Variants in GLIS3 observed in about 807,000 individuals in gnomAD.
GLIS3 encodes zinc finger protein GLIS3.
GLIS3 carries 53 observed loss-of-function variants against 78.6 expected under a neutral mutation model. The observed-to-expected ratio is 0.67, with a 90% CI of 0.54 to 0.85. The LOEUF (loss-of-function observed/expected upper bound fraction) is 0.85, where lower values mean the gene tolerates loss of function less well. Ranked by LOEUF, GLIS3 falls within the 40% of genes least tolerant of loss-of-function variation. The pLI is 0.00. For missense variants in GLIS3, 1,703 were observed against 1,231.1 expected, an observed-to-expected ratio of 1.38 and a Z score of -5.74; for synonymous variants, 684 against 509.9, an observed-to-expected ratio of 1.34 and a Z score of -4.60.
At chr9:4,207,187 C>A (rs35172612) in intron 2 of GLIS3, among the ~76,000 whole-genome samples, 18,776 of 152,166 alleles carry the variant, frequency 0.12, 1,262 homozygotes, top group Middle Eastern at 0.19. Context: ...TCCAACCCCA[C>A]CTCCCCTCCC....
In GLIS3 at chr9:4,299,530, C is replaced by T. The variant is rs1416390793; in HGVS notation, c.-208G>A. 1.3e-5 allele frequency: 2 copies of T among 152,614 alleles called. No individual in the cohort carries two copies. Among genetic ancestry groups the T allele is most frequent in the African/African-American group, 4.8e-5 (2 of 41,464 alleles). 9.5% of individuals were successfully genotyped at this position (152,614 alleles called of 1,614,324 possible). A position where few individuals can be genotyped will look rare whatever the true frequency, so the allele number is the denominator to read the frequency against. ...CGCTGGCGAGGAGTAACTTGGGGCT[C>T]CAGCCCTTCAGAGCGCTCCGCGGGC... On this transcript the variant is annotated 5_prime_UTR_variant, in exon 1 of 11. Transcript: ENST00000381971.
chr9:4,270,457 T>G (rs1221247081), intron 2 of GLIS3, among the ~76,000 whole-genome samples: 1 of 152,140 alleles, frequency 6.6e-6, no homozygotes, highest in Non-Finnish European at 1.5e-5. Context: ...GTAATTGAGT[T>G]GTCAGCTAGA....
intron 1 of GLIS3, among the ~76,000 whole-genome samples, chr9:4,291,777 C>T (rs993547557): frequency 6.6e-6 from 1 of 152,130 alleles, no homozygotes; most frequent in African/African-American, 2.4e-5. Flanking sequence ...ATACACCGCT[C>T]GAGGGCAATA....
chr9:4,322,201 C>G (rs1472509068), intron 2 of GLIS3, among the ~76,000 whole-genome samples: 1 of 152,188 alleles, frequency 6.6e-6, no homozygotes, highest in African/African-American at 2.4e-5. Flanking sequence ...CTACAAAGGA[C>G]ATGAACTCAT....
intron 6 of GLIS3, among the ~76,000 whole-genome samples, chr9:3,930,885 AGATG>A (rs201190755): frequency 0.024 from 3,635 of 152,304 alleles, 127 homozygotes; most frequent in African/African-American, 0.079. Flanking sequence ...AGGTATATAT[AGATG>A]ATAACAAAAA....
At chr9:4,084,195 C>A (rs1320816649) in intron 4 of GLIS3, among the ~76,000 whole-genome samples, 1 of 151,352 alleles carries the variant, frequency 6.6e-6, no homozygotes, top group African/African-American at 2.4e-5. Context: ...GCCCTCAAAC[C>A]AACAGCAGAG....
intron 4 of GLIS3, among the ~76,000 whole-genome samples, chr9:4,068,226 T>C (rs998102928): frequency 6.6e-6 from 1 of 152,140 alleles, no homozygotes. Flanking sequence ...ATGCAAAATG[T>C]AATAAAAACA....
At chr9:3,883,559 G>A (rs1188869506) in intron 7 of GLIS3, among the ~76,000 whole-genome samples, 1 of 152,152 alleles carries the variant, frequency 6.6e-6, no homozygotes, top group South Asian at 2.1e-4. Context: ...CAACGAATAG[G>A]GCACACAATT....
intron 2 of GLIS3, among the ~76,000 whole-genome samples, chr9:4,238,638 C>G (rs956350655): frequency 1.3e-5 from 2 of 152,144 alleles, no homozygotes; most frequent in South Asian, 2.1e-4. Flanking sequence ...TTCTTCATAA[C>G]CAAAAACAAA....
chr9:4,126,475 T>A (rs980402609), intron 2 of GLIS3, among the ~76,000 whole-genome samples: 5 of 130,558 alleles, frequency 3.8e-5, no homozygotes, highest in Non-Finnish European at 8.8e-5. Flanking sequence ...ATTGGACATC[T>A]ACTCAATTTT....
intron 2 of GLIS3, among the ~76,000 whole-genome samples, chr9:4,131,949 T>C (rs993403578): frequency 6.6e-6 from 1 of 152,116 alleles, no homozygotes; most frequent in Non-Finnish European, 1.5e-5. Context: ...AAATATTCCT[T>C]TATAATTCCT....
At chr9:4,382,228 G>C in the GLIS3 span, among the ~76,000 whole-genome samples, 1 of 152,114 alleles carries the variant, frequency 6.6e-6, no homozygotes. Context: ...GGAAAAATCA[G>C]GGTAAATATT....
chr9:4,077,705 G>A (rs1199020562), intron 4 of GLIS3, among the ~76,000 whole-genome samples: 1 of 152,138 alleles, frequency 6.6e-6, no homozygotes, highest in African/African-American at 2.4e-5. Context: ...GGGGGGGTAA[G>A]TGAAGGAAAG....
At chr9:4,190,743 A>C (rs930647444) in intron 2 of GLIS3, among the ~76,000 whole-genome samples, 4 of 152,194 alleles carry the variant, frequency 2.6e-5, no homozygotes, top group African/African-American at 4.8e-5. Context: ...GATTTACCAA[A>C]GTTGAAATGA....
intron 6 of GLIS3, among the ~76,000 whole-genome samples, chr9:3,908,484 A>G (rs578246428): frequency 6.6e-6 from 1 of 152,246 alleles, no homozygotes; most frequent in East Asian, 1.9e-4. Context: ...TAATTTCCCA[A>G]CCTATCCAGT....
chr9:3,829,455 G>A lies in GLIS3; in HGVS notation c.2511C>T (p.His837=), dbSNP rs1230780859. The A allele has an allele frequency of 6.2e-7, 1 of 1,614,164 alleles. No individual in the cohort carries two copies. The highest frequency in any genetic ancestry group is 8.5e-7 in the Non-Finnish European group (1 of 1,180,014). The part of the protein sequence containing the change: ...YGQLQKFCPP[H]YPDSQRIVPP... The stretch of plus-strand genomic sequence containing the variant: ...GCACAATTCTCTGGGAATCGGGGTA[G>A]TGTGGGGGACAGAACTTCTGCAGCT... The change falls in exon 10 of 11, where the codon CAC becomes CAT. Residue 837 remains histidine, a synonymous_variant. Coordinates refer to ENST00000381971, the MANE Select transcript of GLIS3 (RefSeq NM_001042413.2).
chr9:4,034,909 G>A (rs1165209778), intron 4 of GLIS3: 1 of 152,124 alleles, frequency 6.6e-6, no homozygotes, highest in Admixed American at 6.5e-5. Context: ...GTGTGGCAGG[G>A]GGGATCTTCG....
chr9:4,240,385 C>T (rs1317683264), intron 2 of GLIS3, among the ~76,000 whole-genome samples: 1 of 152,162 alleles, frequency 6.6e-6, no homozygotes, highest in Non-Finnish European at 1.5e-5. Flanking sequence ...TGTTCACTCA[C>T]CCACCACTCA....
At chr9:4,453,987 A>G in the GLIS3 span, among the ~76,000 whole-genome samples, 30 of 152,032 alleles carry the variant, frequency 2.0e-4, no homozygotes, top group African/African-American at 7.3e-4. Flanking sequence ...CCTAGAACTT[A>G]AAGTATAATA....
Sources: allele counts gnomAD v4.1 joint callset (sites outside exome capture counted in the v4.1 genomes callset), GRCh38; gene constraint gnomAD v4.1.1; transcripts MANE v1.5; gene names NCBI Gene and HGNC (gene_info 2026-07-23, HGNC 2026-07-21).